SYNE1: variants seen among roughly 807,000 people sequenced by gnomAD.
SYNE1 encodes the protein spectrin repeat containing nuclear envelope protein 1, also known as nesprin-1.
A neutral mutation model predicts 1,111.0 loss-of-function variants in SYNE1; 616 were observed. The ratio of observed to expected loss-of-function variants is 0.55; its 90% CI spans 0.52 to 0.59. SYNE1 has a LOEUF of 0.59. Ranked by LOEUF, SYNE1 falls within the 20% of genes least tolerant of loss-of-function variation. SYNE1 has a pLI of 0.00. For synonymous variants in SYNE1, 3,855 were observed against 3,825.8 expected, an observed-to-expected ratio of 1.01 and a Z score of -0.28; for missense variants, 10,006 against 10,417.0, an observed-to-expected ratio of 0.96 and a Z score of 1.72.
intron 81 of SYNE1, 22 bp downstream of exon 81, chr6:152,325,062 G>A (rs758107665): frequency 6.2e-7 from 1 of 1,611,388 alleles, no homozygotes; most frequent in Non-Finnish European, 8.5e-7. Flanking sequence ...AGAAAGGTGA[G>A]CCCATGGACA....
chr6:152,172,852 T>C (rs2065542498), intron 130 of SYNE1, among the ~76,000 whole-genome samples: 1 of 152,206 alleles, frequency 6.6e-6, no homozygotes, highest in Non-Finnish European at 1.5e-5. Flanking sequence ...TTCTGCATTG[T>C]ACAGGGTCCA....
chr6:152,170,541 A>G (rs1437356019), intron 130 of SYNE1, among the ~76,000 whole-genome samples: 9 of 152,206 alleles, frequency 5.9e-5, no homozygotes, highest in East Asian at 5.8e-4. Flanking sequence ...CATCGCATCA[A>G]TGCATTCCTG....
At chr6:152,350,079 C>T (rs1230444045) in intron 72 of SYNE1, 89 bp downstream of exon 72, 6 of 1,471,692 alleles carry the variant, frequency 4.1e-6, no homozygotes, top group Non-Finnish European at 5.7e-6. Flanking sequence ...TGTGTGTGCA[C>T]CCCCACACAT....
At chr6:152,549,227 A>G (rs2099328762) in intron 3 of SYNE1, among the ~76,000 whole-genome samples, 1 of 152,218 alleles carries the variant, frequency 6.6e-6, no homozygotes, top group Admixed American at 6.5e-5. Context: ...CCTTGTAGGA[A>G]GAAAGCATTT....
At position 152,505,280 on chromosome 6, in the gene SYNE1, T is replaced by C. The variant is rs539598413; in HGVS notation, c.699A>G (p.Arg233=). 1 of 1,614,192 alleles carries C rather than the reference T, an allele frequency of 6.2e-7. No individual in the cohort carries two copies. The highest frequency in any genetic ancestry group is 2.2e-5 in the East Asian group (1 of 44,872). ...ELVDLETVKG[R]SNRENLEDAF... is the part of the protein sequence containing the mutation. ...CATCCTCCAAATTTTCTCGGTTGGATCTGCCTTTCACTGTCTCCAAGTCCA... is the reference window on the plus strand; with the variant it reads ...CATCCTCCAAATTTTCTCGGTTGGACCTGCCTTTCACTGTCTCCAAGTCCA... Residue 233 remains arginine, a synonymous_variant, in exon 9 of 146, where the codon AGA becomes AGG. Transcript: ENST00000367255.
intron 3 of SYNE1, among the ~76,000 whole-genome samples, chr6:152,559,200 T>G (rs1431548330): frequency 2.0e-5 from 3 of 151,912 alleles, no homozygotes; most frequent in Admixed American, 6.6e-5. Context: ...GCTCAAGCAA[T>G]CCTCCCACCT....
chr6:152,262,626 C>A (rs2092166600), intron 100 of SYNE1, among the ~76,000 whole-genome samples: 1 of 151,962 alleles, frequency 6.6e-6, no homozygotes, highest in Non-Finnish European at 1.5e-5. Flanking sequence ...TAGTACAGGG[C>A]CTGGAAAGGT....
intron 3 of SYNE1, among the ~76,000 whole-genome samples, chr6:152,605,066 G>GGA (rs2099610690): frequency 5.6e-5 from 3 of 53,680 alleles, no homozygotes; most frequent in Non-Finnish European, 1.1e-4. Flanking sequence ...GGGAGGGAGG[G>GGA]AGGGAGGAAA....
In SYNE1 at chr6:152,221,316, A is replaced by G. The variant is rs549624420; in HGVS notation, c.21656+110T>C. 5.8e-6 allele frequency: 8 copies of G among 1,368,210 alleles called. No individual in the cohort carries two copies. The East Asian group carries it at 9.9e-5, about 17-fold the overall frequency. 84.8% of individuals were successfully genotyped at this position (1,368,210 alleles called of 1,614,324 possible). A position where few individuals can be genotyped will look rare whatever the true frequency, so the allele number is the denominator to read the frequency against. ...ATTCATGTTGTGAAAGAGAAGTTTAAAGGAATAGAATCTATATAGCTCAAA... is the reference window on the plus strand; with the variant it reads ...ATTCATGTTGTGAAAGAGAAGTTTAGAGGAATAGAATCTATATAGCTCAAA... On this transcript the variant is annotated intron_variant, in intron 118 of 145. Transcript: ENST00000367255.
At chr6:152,289,861 C>T (rs752445107) in intron 95 of SYNE1, among the ~76,000 whole-genome samples, 1 of 151,322 alleles carries the variant, frequency 6.6e-6, no homozygotes, top group Non-Finnish European at 1.5e-5. Flanking sequence ...CTCCTGACCT[C>T]GTGATCCGCC....
At chr6:152,146,942 G>C (rs1304382841) in intron 137 of SYNE1, 3 of 152,248 alleles carry the variant, frequency 2.0e-5, no homozygotes, top group African/African-American at 7.2e-5. Context: ...ACTTCACACC[G>C]TGCATCTACG....
At position 152,122,494 on chromosome 6, in the gene SYNE1, T is replaced by C. The variant is rs2051632431; in HGVS notation, c.26336A>G (p.Asn8779Ser). ...EEDYSCALSN[N>S]FARSFHPMLR... ...CATGGGGTGGAATGACCGGGCAAAG[T>C]TGTTGGAGAGGGCACAGCTGTAGTC... Residue 8779 changes from asparagine to serine, a missense_variant, in exon 146 of 146, where the codon AAC becomes AGC. Coordinates refer to ENST00000367255, the MANE Select transcript of SYNE1 (RefSeq NM_182961.4). 5 of 1,614,124 alleles carry C rather than the reference T, an allele frequency of 3.1e-6. No homozygotes were observed. Among genetic ancestry groups the C allele is most frequent in the Non-Finnish European group, 4.2e-6 (5 of 1,180,012 alleles).
chr6:152,533,314 G>A (rs540859961), intron 4 of SYNE1, among the ~76,000 whole-genome samples: 4 of 151,748 alleles, frequency 2.6e-5, no homozygotes, highest in African/African-American at 9.7e-5. Context: ...ATTCAATTCC[G>A]AATAAATATT....
intron 130 of SYNE1, among the ~76,000 whole-genome samples, chr6:152,169,494 A>G (rs945264747): frequency 2.7e-5 from 4 of 146,580 alleles, no homozygotes; most frequent in Admixed American, 7.0e-5. Flanking sequence ...CCTGGGAGGC[A>G]GAGCTTGCAG....
Position 152,396,994 on chromosome 6 carries a change from T to C in SYNE1, c.7351-14A>G, listed in dbSNP as rs1163550685. ...GTCCAAAATGTTCTGTTTCAGGAAA[T>C]AAAGGTAATAGGTCCATGGGACTAT... On this transcript the variant is annotated splice_polypyrimidine_tract_variant and intron_variant, in intron 49 of 145. Transcript: ENST00000367255. 5 of 1,613,430 alleles carry C rather than the reference T, an allele frequency of 3.1e-6. No individual in the cohort carries two copies. Among genetic ancestry groups the C allele is most frequent in the Non-Finnish European group, 4.2e-6 (5 of 1,179,380 alleles).
intron 115 of SYNE1, among the ~76,000 whole-genome samples, chr6:152,227,811 G>T (rs1190589134): frequency 1.3e-5 from 2 of 151,974 alleles, no homozygotes; most frequent in East Asian, 1.9e-4. Context: ...GTTGGTAGAA[G>T]AGCAAAACCC....
chr6:152,289,588 A>C (rs1279980464), intron 95 of SYNE1, among the ~76,000 whole-genome samples: 1 of 152,092 alleles, frequency 6.6e-6, no homozygotes, highest in Admixed American at 6.5e-5. Flanking sequence ...ATGGGGTTTC[A>C]GCATGTTGGC....
At chr6:152,166,449 A>G (rs2153045976) in intron 130 of SYNE1, among the ~76,000 whole-genome samples, 1 of 152,340 alleles carries the variant, frequency 6.6e-6, no homozygotes, top group South Asian at 2.1e-4. Flanking sequence ...CTATTTGTCA[A>G]GTACTAAAAT....
intron 117 of SYNE1, among the ~76,000 whole-genome samples, chr6:152,221,951 G>A (rs1470553867): frequency 6.6e-6 from 1 of 152,098 alleles, no homozygotes; most frequent in Non-Finnish European, 1.5e-5. Context: ...CTTGTTTCTG[G>A]CCTGTGAGCA....
Sources: allele counts gnomAD v4.1 joint callset (sites outside exome capture counted in the v4.1 genomes callset), GRCh38; gene constraint gnomAD v4.1.1; transcripts MANE v1.5; gene names NCBI Gene and HGNC (gene_info 2026-07-23, HGNC 2026-07-21).